SPOCK1: variants seen among roughly 807,000 people sequenced by gnomAD.
SPOCK1 encodes testican-1.
SPOCK1 carries 23 observed loss-of-function variants against 55.3 expected under a neutral mutation model. That is an observed-to-expected ratio of 0.42 (90% CI 0.30 to 0.59). SPOCK1 has a LOEUF of 0.59. Among genes scored for constraint, SPOCK1 ranks in the 20% least tolerant of loss-of-function variants. The pLI is 0.22. For synonymous variants in SPOCK1, 226 were observed against 221.0 expected (o/e 1.02, Z -0.20); for missense variants, 499 against 552.5 (o/e 0.90, Z 0.97).
At chr5:137,238,506 CA>C (rs1173804672) in intron 3 of SPOCK1, among the ~76,000 whole-genome samples, 1 of 89,880 alleles carries the variant, frequency 1.1e-5, no homozygotes, top group South Asian at 3.9e-4. Context: ...AAGAGCAAAG[CA>C]AAAAAAATTA....
At chr5:137,041,755 T>G (rs7721087) in intron 6 of SPOCK1, among the ~76,000 whole-genome samples, 32,708 of 152,060 alleles carry the variant, frequency 0.22, 3,654 homozygotes, top group Admixed American at 0.24. Flanking sequence ...TAATACCATA[T>G]CACCATGTAC....
chr5:137,313,156 G>T (rs1488594982), intron 2 of SPOCK1, among the ~76,000 whole-genome samples: 1 of 152,168 alleles, frequency 6.6e-6, no homozygotes, highest in Non-Finnish European at 1.5e-5. Context: ...TCCCAAAAGT[G>T]CCTGAAATTC....
intron 4 of SPOCK1, among the ~76,000 whole-genome samples, chr5:137,126,861 A>G (rs1296689499): frequency 6.6e-6 from 1 of 152,234 alleles, no homozygotes; most frequent in Non-Finnish European, 1.5e-5. Context: ...AGAACTTGCA[A>G]ACAACTAAAC....
intron 3 of SPOCK1, among the ~76,000 whole-genome samples, chr5:137,210,140 G>A (rs1333257042): frequency 6.6e-6 from 1 of 152,188 alleles, no homozygotes; most frequent in Non-Finnish European, 1.5e-5. Context: ...TGAGCAAAGT[G>A]ATGAGGAGAT....
chr5:137,187,203 T>C (rs1428217603), intron 3 of SPOCK1, among the ~76,000 whole-genome samples: 2 of 152,116 alleles, frequency 1.3e-5, no homozygotes, highest in African/African-American at 2.4e-5. Flanking sequence ...TGCTGACGAC[T>C]CCCAGACATT....
intron 2 of SPOCK1, among the ~76,000 whole-genome samples, chr5:137,456,224 G>C (rs1324703735): frequency 6.6e-6 from 1 of 152,166 alleles, no homozygotes; most frequent in Non-Finnish European, 1.5e-5. Context: ...CCGCCCCTCA[G>C]TTGCTTCTCC....
At chr5:137,243,411 C>A (rs1251556051) in intron 3 of SPOCK1, among the ~76,000 whole-genome samples, 1 of 152,024 alleles carries the variant, frequency 6.6e-6, no homozygotes, top group African/African-American at 2.4e-5. Context: ...TTTCCTAAGA[C>A]CAAAGACATC....
chr5:137,407,513 C>T (rs572431758), intron 2 of SPOCK1, among the ~76,000 whole-genome samples: 20 of 152,216 alleles, frequency 1.3e-4, no homozygotes, highest in Admixed American at 5.9e-4. Context: ...TGGTAGCATT[C>T]GGTAGTGACC....
intron 2 of SPOCK1, among the ~76,000 whole-genome samples, chr5:137,390,398 T>G (rs1056857986): frequency 1.3e-5 from 2 of 152,220 alleles, no homozygotes; most frequent in African/African-American, 4.8e-5. Flanking sequence ...CAAATTAGAT[T>G]AGCTTAATTT....
intron 5 of SPOCK1, among the ~76,000 whole-genome samples, chr5:137,078,444 T>C (rs1752817438): frequency 6.6e-6 from 1 of 152,114 alleles, no homozygotes. Context: ...GAGGGCAAGT[T>C]GAGGTGGCAC....
intron 10 of SPOCK1, 103 bp downstream of exon 10, chr5:136,979,229 T>A: frequency 6.7e-7 from 1 of 1,503,708 alleles, no homozygotes. Context: ...ACTTAATGTA[T>A]ACTGGAGTTA....
At chr5:137,144,161 G>A (rs964850367) in intron 3 of SPOCK1, among the ~76,000 whole-genome samples, 1 of 151,964 alleles carries the variant, frequency 6.6e-6, no homozygotes, top group Non-Finnish European at 1.5e-5. Flanking sequence ...GCCCAGCTCT[G>A]GACACCTGAG....
chr5:137,296,687 T>C (rs1016515155), intron 2 of SPOCK1, among the ~76,000 whole-genome samples: 1 of 152,200 alleles, frequency 6.6e-6, no homozygotes. Context: ...GGCTTTCCTC[T>C]GGAAGGACTG....
chr5:137,104,676 C>A lies in SPOCK1; in HGVS notation c.474+7759G>T, dbSNP rs535777896. ...AGTGCGAATCCTACTGTGAACTACACATGCAAGGGATCTAGGTTGCATGCT... is the reference window on the plus strand; with the variant it reads ...AGTGCGAATCCTACTGTGAACTACAAATGCAAGGGATCTAGGTTGCATGCT... On this transcript the variant is annotated intron_variant, in intron 5 of 10. Transcript: ENST00000394945. Among the ~76,000 whole-genome samples, 6 of 152,264 alleles carry A rather than the reference C, an allele frequency of 3.9e-5. 1 individual carries two copies. In the South Asian group the frequency reaches 1.2e-3, roughly 32 times the overall value.
At position 137,140,482 on chromosome 5, in the gene SPOCK1, C is replaced by G. The variant is rs530242274; in HGVS notation, c.347+98G>C. 4.9e-5 allele frequency: 47 copies of G among 962,098 alleles called. No homozygotes were observed. In the South Asian group the frequency reaches 7.3e-4, roughly 15 times the overall value. The allele number at this position is 962,098 out of a possible 1,614,324, so 59.6% of individuals were successfully genotyped here. Reference sequence around the variant, plus strand: ...CAAATGGCGACCCTAACACTATGCTCTCCCCTCCCCATATCCCCACGTCAA... The same window carrying G: ...CAAATGGCGACCCTAACACTATGCTGTCCCCTCCCCATATCCCCACGTCAA... On this transcript the variant is annotated intron_variant, in intron 4 of 10. Coordinates refer to ENST00000394945, the MANE Select transcript of SPOCK1 (RefSeq NM_004598.4).
chr5:137,470,335 G>A (rs1037830037), intron 2 of SPOCK1, among the ~76,000 whole-genome samples: 7 of 152,154 alleles, frequency 4.6e-5, no homozygotes, highest in East Asian at 1.9e-4. Context: ...GTATTTTTAC[G>A]AAAAGAGGTC....
chr5:137,184,482 T>C (rs923168976), intron 3 of SPOCK1, among the ~76,000 whole-genome samples: 7 of 152,134 alleles, frequency 4.6e-5, no homozygotes, highest in African/African-American at 7.2e-5. Context: ...AGCTTTTCCA[T>C]TTGGGAGAAG....
chr5:136,983,782 T>TTTTTCTGA, intron 9 of SPOCK1, among the ~76,000 whole-genome samples: 1 of 132,942 alleles, frequency 7.5e-6, no homozygotes, highest in East Asian at 2.0e-4. Context: ...CAAATGGCAT[T>TTTTTCTGA]TTTTCTGAGT....
At chr5:137,050,607 C>T (rs936010447) in intron 6 of SPOCK1, among the ~76,000 whole-genome samples, 4 of 152,012 alleles carry the variant, frequency 2.6e-5, no homozygotes, top group East Asian at 1.9e-4. Flanking sequence ...TCTTCTGCGT[C>T]GCTCACGCTG....
Sources: gnomAD v4.1 joint callset for allele counts (sites outside exome capture counted in the v4.1 genomes callset) on GRCh38, gnomAD v4.1.1 for gene constraint, MANE v1.5 for transcripts, NCBI Gene and HGNC (gene_info 2026-07-23, HGNC 2026-07-21) for gene names.